SNAP91: variants seen among roughly 807,000 people sequenced by gnomAD.
SNAP91 encodes the protein synaptosome associated protein 91, also known as clathrin coat assembly protein AP180.
Under a neutral mutation model 100.3 loss-of-function variants are expected in SNAP91, and 27 were observed. That is an observed-to-expected ratio of 0.27 (90% CI 0.20 to 0.37). The LOEUF (loss-of-function observed/expected upper bound fraction) is 0.37. Ranked by LOEUF, SNAP91 falls within the 10% of genes least tolerant of loss-of-function variation. The pLI is 1.00. For missense variants in SNAP91, 986 were observed against 1,123.7 expected, an observed-to-expected ratio of 0.88 and a Z score of 1.75; for synonymous variants, 404 against 398.6, an observed-to-expected ratio of 1.01 and a Z score of -0.16.
intron 28 of SNAP91, among the ~76,000 whole-genome samples, chr6:83,559,595 G>T (rs771165989): frequency 9.2e-5 from 14 of 152,202 alleles, no homozygotes; most frequent in Non-Finnish European, 2.1e-4. Flanking sequence ...TAGCCAGCTA[G>T]TCTGAAGTGG....
At chr6:83,692,840 G>C (rs990709381) in intron 2 of SNAP91, among the ~76,000 whole-genome samples, 1 of 152,178 alleles carries the variant, frequency 6.6e-6, no homozygotes, top group African/African-American at 2.4e-5. Context: ...CTACTAGCTA[G>C]AGATGGGCCT....
chr6:83,579,273 T>A (rs1015793593), intron 24 of SNAP91, among the ~76,000 whole-genome samples: 1 of 152,206 alleles, frequency 6.6e-6, no homozygotes, highest in Non-Finnish European at 1.5e-5. Flanking sequence ...GAGGGCTGTG[T>A]GTTGGTGGCA....
intron 2 of SNAP91, among the ~76,000 whole-genome samples, chr6:83,699,973 T>C (rs1436919079): frequency 6.6e-6 from 1 of 152,150 alleles, no homozygotes; most frequent in Non-Finnish European, 1.5e-5. Flanking sequence ...TTATATATGA[T>C]GAAGGAATGG....
chr6:83,595,066 A>C (rs2094305043), intron 16 of SNAP91, among the ~76,000 whole-genome samples: 1 of 152,154 alleles, frequency 6.6e-6, no homozygotes, highest in Non-Finnish European at 1.5e-5. Flanking sequence ...TATCCCTGAA[A>C]AGCATTTTCA....
At chr6:83,653,948 T>C (rs193130385) in intron 7 of SNAP91, among the ~76,000 whole-genome samples, 8 of 152,304 alleles carry the variant, frequency 5.3e-5, no homozygotes, top group Admixed American at 5.2e-4. Flanking sequence ...GGTAAAGCTC[T>C]GGTTAAGTAG....
intron 19 of SNAP91, 65 bp downstream of exon 19, chr6:83,593,117 A>G (rs2094002658): frequency 2.0e-6 from 3 of 1,524,728 alleles, no homozygotes; most frequent in African/African-American, 1.4e-5. Context: ...AGGTGAGTAC[A>G]AAGAGCTTAA....
chr6:83,597,341 T>C (rs1382634167), intron 16 of SNAP91, among the ~76,000 whole-genome samples: 1 of 152,324 alleles, frequency 6.6e-6, no homozygotes, highest in African/African-American at 2.4e-5. Context: ...AGATAAAATT[T>C]GAATTTGTTA....
chr6:83,650,925 C>G (rs923039137), intron 7 of SNAP91, among the ~76,000 whole-genome samples: 1 of 152,132 alleles, frequency 6.6e-6, no homozygotes, highest in Admixed American at 6.5e-5. Flanking sequence ...TAATTATTGA[C>G]TAAGTATCTT....
chr6:83,629,674 G>A (rs540965081), intron 8 of SNAP91, among the ~76,000 whole-genome samples: 14 of 152,112 alleles, frequency 9.2e-5, no homozygotes, highest in South Asian at 4.2e-4. Flanking sequence ...TTGGTGTATC[G>A]AAGAGCTACT....
chr6:83,591,094 T>C, intron 22 of SNAP91, 117 bp downstream of exon 22: 1 of 669,238 alleles, frequency 1.5e-6, no homozygotes, highest in Non-Finnish European at 2.6e-6. Context: ...CCCTCAATTT[T>C]ATGTCTTGAA....
At chr6:83,702,677 A>G (rs1261586880) in intron 2 of SNAP91, among the ~76,000 whole-genome samples, 1 of 152,146 alleles carries the variant, frequency 6.6e-6, no homozygotes, top group African/African-American at 2.4e-5. Context: ...TATTCTAAGA[A>G]AGTATCTGCT....
intron 12 of SNAP91, among the ~76,000 whole-genome samples, chr6:83,608,627 A>G (rs1178006904): frequency 1.3e-5 from 2 of 152,144 alleles, no homozygotes; most frequent in African/African-American, 4.8e-5. Flanking sequence ...CAGGGCTATC[A>G]GATACTCCCC....
At chr6:83,571,879 G>A (rs1468709462) in intron 26 of SNAP91, among the ~76,000 whole-genome samples, 1 of 152,090 alleles carries the variant, frequency 6.6e-6, no homozygotes, top group Non-Finnish European at 1.5e-5. Context: ...TGAATCATAG[G>A]GGCAGGTCTT....
chr6:83,671,129 T>C (rs1195818482), intron 2 of SNAP91, among the ~76,000 whole-genome samples: 1 of 151,944 alleles, frequency 6.6e-6, no homozygotes, highest in Non-Finnish European at 1.5e-5. Context: ...CAATATTGAG[T>C]TTTACAATCC....
intron 21 of SNAP91, among the ~76,000 whole-genome samples, chr6:83,591,614 G>A (rs908498636): frequency 2.0e-4 from 30 of 152,044 alleles, no homozygotes; most frequent in Middle Eastern, 6.8e-3. Flanking sequence ...TTACCTAAAG[G>A]TAATAAAACA....
chr6:83,565,948 T>C (rs902849076), intron 26 of SNAP91, among the ~76,000 whole-genome samples: 1 of 152,154 alleles, frequency 6.6e-6, no homozygotes, highest in African/African-American at 2.4e-5. Context: ...CAGAGTTCTA[T>C]TCCTAGGTAT....
chr6:83,631,111 AG>A (rs1274685221), intron 8 of SNAP91, among the ~76,000 whole-genome samples: 2 of 152,170 alleles, frequency 1.3e-5, no homozygotes, highest in Admixed American at 6.5e-5. Context: ...ATGCTCATTC[AG>A]GGGCAGGTTA....
intron 7 of SNAP91, among the ~76,000 whole-genome samples, chr6:83,654,418 G>T (rs145074616): frequency 2.0e-5 from 3 of 152,240 alleles, no homozygotes; most frequent in African/African-American, 7.2e-5. Flanking sequence ...CTTCCATGTG[G>T]AACTGGAAAC....
At chr6:83,609,816 T>C (rs1051739727) in intron 12 of SNAP91, among the ~76,000 whole-genome samples, 2 of 152,176 alleles carry the variant, frequency 1.3e-5, no homozygotes, top group Admixed American at 6.5e-5. Flanking sequence ...CTTTGAAACA[T>C]GCACAATATC....
Sources: allele counts gnomAD v4.1 joint callset (sites outside exome capture counted in the v4.1 genomes callset), GRCh38; gene constraint gnomAD v4.1.1; transcripts MANE v1.5; gene names NCBI Gene and HGNC (gene_info 2026-07-23, HGNC 2026-07-21).